ARHGEF12: variants seen among roughly 807,000 people sequenced by gnomAD.
ARHGEF12 encodes KMT2A/ARHGEF12 fusion protein.
Under a neutral mutation model 211.2 loss-of-function variants are expected in ARHGEF12, and 66 were observed. That is an observed-to-expected ratio of 0.31 (90% CI 0.26 to 0.38). The LOEUF (loss-of-function observed/expected upper bound fraction) is 0.38, where lower values mean the gene tolerates loss of function less well. Ranked by LOEUF, ARHGEF12 falls within the 10% of genes least tolerant of loss-of-function variation. The pLI is 1.00. For synonymous variants in ARHGEF12, 592 were observed against 638.4 expected (o/e 0.93, Z 1.09); for missense variants, 1,429 against 1,869.5 (o/e 0.76, Z 4.34).
chr11:120,387,524 A>C (rs1944075448), intron 1 of ARHGEF12, among the ~76,000 whole-genome samples: 1 of 152,122 alleles, frequency 6.6e-6, no homozygotes, highest in Admixed American at 6.5e-5. Flanking sequence ...AAAATTATTA[A>C]TCTTTCTATT....
intron 1 of ARHGEF12, among the ~76,000 whole-genome samples, chr11:120,383,507 C>T (rs74480197): frequency 5.2e-4 from 79 of 152,230 alleles, no homozygotes; most frequent in African/African-American, 1.8e-3. Context: ...TGCAACTTGA[C>T]GGTCCCATCT....
chr11:120,367,353 CTTTTTTTTTTTTTT>C (rs1025919456), intron 1 of ARHGEF12, among the ~76,000 whole-genome samples: 59 of 59,354 alleles, frequency 9.9e-4, no homozygotes, highest in Non-Finnish European at 1.5e-3. Flanking sequence ...ATACTTTTTC[CTTTTTTTTTTTTTT>C]TTTTTTTTTT....
chr11:120,393,042 C>T (rs1944270164), intron 1 of ARHGEF12, among the ~76,000 whole-genome samples: 1 of 152,114 alleles, frequency 6.6e-6, no homozygotes, highest in African/African-American at 2.4e-5. Context: ...TCTGGGGTAA[C>T]TTATATCCTC....
At chr11:120,470,538 C>G (rs1946838159) in intron 30 of ARHGEF12, among the ~76,000 whole-genome samples, 2 of 152,136 alleles carry the variant, frequency 1.3e-5, no homozygotes, top group Non-Finnish European at 2.9e-5. Flanking sequence ...GGGCCCACCT[C>G]TAAGAGGACC....
intron 1 of ARHGEF12, among the ~76,000 whole-genome samples, chr11:120,356,447 G>A (rs1245131531): frequency 6.6e-6 from 1 of 152,044 alleles, no homozygotes; most frequent in Non-Finnish European, 1.5e-5. Flanking sequence ...TGAACTCTTG[G>A]CCTCAAGTGA....
chr11:120,479,551 C>CT (rs1359941419), intron 37 of ARHGEF12, among the ~76,000 whole-genome samples: 8 of 151,964 alleles, frequency 5.3e-5, no homozygotes, highest in African/African-American at 4.8e-5. Flanking sequence ...AAAAGCAGAA[C>CT]TTTTTTTTAG....
chr11:120,395,932 G>A (rs893284176), intron 1 of ARHGEF12, among the ~76,000 whole-genome samples: 8 of 152,038 alleles, frequency 5.3e-5, no homozygotes, highest in Non-Finnish European at 1.0e-4. Flanking sequence ...CTGCTGAGAG[G>A]GCCTAGAAAT....
At chr11:120,456,039 T>C (rs1397941155) in intron 22 of ARHGEF12, among the ~76,000 whole-genome samples, 1 of 152,184 alleles carries the variant, frequency 6.6e-6, no homozygotes, top group Non-Finnish European at 1.5e-5. Flanking sequence ...TAATCCTAAC[T>C]AGTATATTTC....
At position 120,441,778 on chromosome 11, in the gene ARHGEF12, C is replaced by G; in HGVS notation, c.1164C>G (p.Phe388Leu). 1 of 1,613,796 alleles carries G rather than the reference C, an allele frequency of 6.2e-7. No individual in the cohort carries two copies. ...CTCGCCCGGCTCATTTGGCTGTTTTCTTACACCATGTAGTTTCACAATTTG... is the reference window on the plus strand; with the variant it reads ...CTCGCCCGGCTCATTTGGCTGTTTTGTTACACCATGTAGTTTCACAATTTG... ...LKSRPAHLAVFLHHVVSQFDP... is the reference protein window; with the variant it reads ...LKSRPAHLAVLLHHVVSQFDP... Residue 388 changes from phenylalanine to leucine, a missense_variant, in exon 14 of 41, where the codon TTC becomes TTG. Coordinates refer to ENST00000397843, the MANE Select transcript of ARHGEF12 (RefSeq NM_015313.3).
chr11:120,362,548 C>T (rs1943306295), intron 1 of ARHGEF12, among the ~76,000 whole-genome samples: 1 of 151,834 alleles, frequency 6.6e-6, no homozygotes, highest in South Asian at 2.1e-4. Flanking sequence ...AATCTGAGCA[C>T]CAAAAAGAAA....
intron 21 of ARHGEF12, chr11:120,451,201 C>G (rs754165364): frequency 5.1e-6 from 1 of 195,896 alleles, no homozygotes; most frequent in Non-Finnish European, 1.1e-5. Context: ...ATTTTTGAGA[C>G]GGAGTCTTGC....
chr11:120,341,358 GT>G (rs935550479), intron 1 of ARHGEF12, among the ~76,000 whole-genome samples: 3 of 58,572 alleles, frequency 5.1e-5, no homozygotes, highest in African/African-American at 1.9e-4. Flanking sequence ...GAGCCCAGTG[GT>G]TTTTTTTGTT....
intron 1 of ARHGEF12, chr11:120,337,886 G>C (rs1312461736): frequency 1.0e-6 from 1 of 985,282 alleles, no homozygotes; most frequent in Admixed American, 6.2e-5. Flanking sequence ...CATGGGGTTT[G>C]CTTTTAATTC....
intron 1 of ARHGEF12, among the ~76,000 whole-genome samples, chr11:120,352,914 A>G (rs1943027512): frequency 1.3e-5 from 2 of 152,322 alleles, no homozygotes; most frequent in Admixed American, 6.5e-5. Flanking sequence ...TCAGCACCCC[A>G]GGCGCCCTGT....
At chr11:120,375,825 T>G (rs1473589126) in intron 1 of ARHGEF12, among the ~76,000 whole-genome samples, 1 of 152,184 alleles carries the variant, frequency 6.6e-6, no homozygotes, top group Non-Finnish European at 1.5e-5. Flanking sequence ...TTCCTTAGCC[T>G]CCTCTTGGCT....
chr11:120,432,110 G>C (rs1164872835), intron 11 of ARHGEF12, among the ~76,000 whole-genome samples, 199 bp downstream of exon 11: 1 of 151,982 alleles, frequency 6.6e-6, no homozygotes, highest in African/African-American at 2.4e-5. Flanking sequence ...TTTTTCCCTT[G>C]AACACCCATT....
chr11:120,403,569 A>C (rs1408015846), intron 1 of ARHGEF12, among the ~76,000 whole-genome samples: 2 of 151,796 alleles, frequency 1.3e-5, no homozygotes, highest in Non-Finnish European at 2.9e-5. Context: ...CAAATTCCTG[A>C]TAATTCTTTG....
At chr11:120,414,595 T>G (rs1404548559) in intron 4 of ARHGEF12, among the ~76,000 whole-genome samples, 3 of 152,192 alleles carry the variant, frequency 2.0e-5, no homozygotes, top group African/African-American at 7.2e-5. Flanking sequence ...TTGCAATACA[T>G]TTTGATAAGT....
intron 35 of ARHGEF12, 57 bp downstream of exon 35, chr11:120,477,362 C>T: frequency 6.2e-7 from 1 of 1,601,500 alleles, no homozygotes; most frequent in Non-Finnish European, 8.5e-7. Flanking sequence ...TTGGAAAAGA[C>T]TAGGATAATT....
Sources: allele counts gnomAD v4.1 joint callset (sites outside exome capture counted in the v4.1 genomes callset), GRCh38; gene constraint gnomAD v4.1.1; transcripts MANE v1.5; gene names NCBI Gene and HGNC (gene_info 2026-07-23, HGNC 2026-07-21).